Variants in DSCAML1 observed in about 807,000 individuals in gnomAD.
The protein encoded by DSCAML1 is cell adhesion molecule DSCAML1.
In DSCAML1, 38 loss-of-function variants were observed where a neutral mutation model predicts 200.5. That is an observed-to-expected ratio of 0.19 (90% CI 0.15 to 0.25). The LOEUF is 0.25. Ranked by LOEUF, DSCAML1 falls within the 10% of genes least tolerant of loss-of-function variation. The probability of loss-of-function intolerance (pLI) is 1.00; values close to 1 mark genes in which losing one functional copy is unlikely to be tolerated. For missense variants in DSCAML1, 2,223 were observed against 2,858.8 expected (o/e 0.78, Z 5.07); for synonymous variants, 1,215 against 1,165.0 (o/e 1.04, Z -0.87).
intron 3 of DSCAML1, among the ~76,000 whole-genome samples, chr11:117,649,716 A>G (rs2052590343): frequency 6.6e-6 from 1 of 152,154 alleles, no homozygotes. Flanking sequence ...AAATTTCCAC[A>G]ATGGCTATTG....
At position 117,593,686 on chromosome 11, in the gene DSCAML1, T is replaced by C. The variant is rs567391159; in HGVS notation, c.512-61164A>G. ...TGGAGCTCCCTCTTTCCTTGAACCA[T>C]AGTATTGAACTCACTATATTTCTTG... On this transcript the variant is annotated intron_variant, in intron 3 of 32. Transcript: ENST00000651296. Among the ~76,000 whole-genome samples the C allele has an allele frequency of 9.7e-4, 146 of 150,996 alleles. 1 individual carries two copies. Among genetic ancestry groups the C allele is most frequent in the African/African-American group, 3.4e-3 (139 of 41,024 alleles).
chr11:117,810,672 C>T (rs887064244), intron 1 of DSCAML1, among the ~76,000 whole-genome samples: 9 of 152,160 alleles, frequency 5.9e-5, no homozygotes, highest in East Asian at 1.9e-4. Context: ...TCTGCAATGC[C>T]GCTTGACCCC....
intron 3 of DSCAML1, among the ~76,000 whole-genome samples, chr11:117,539,575 T>C (rs758198170): frequency 8.6e-5 from 9 of 104,086 alleles, no homozygotes; most frequent in Non-Finnish European, 1.5e-4. Context: ...GCCATTGCAC[T>C]CCAGCCTGGG....
intron 1 of DSCAML1, among the ~76,000 whole-genome samples, chr11:117,782,773 T>G (rs1385321173): frequency 6.6e-6 from 1 of 152,208 alleles, no homozygotes; most frequent in Non-Finnish European, 1.5e-5. Context: ...CAGGCACTGT[T>G]GTTAGGGACT....
At chr11:117,779,413 C>A (rs1289567351) in intron 2 of DSCAML1, among the ~76,000 whole-genome samples, 1 of 152,122 alleles carries the variant, frequency 6.6e-6, no homozygotes, top group African/African-American at 2.4e-5. Flanking sequence ...ACCTGAGAAA[C>A]CCTACCTCCT....
intron 3 of DSCAML1, among the ~76,000 whole-genome samples, chr11:117,589,839 G>A (rs2051223402): frequency 6.6e-6 from 1 of 152,178 alleles, no homozygotes; most frequent in Non-Finnish European, 1.5e-5. Context: ...TAGGCAAGGT[G>A]GACAGGCATA....
rs1201470618 is a variant in DSCAML1 at position 117,428,453 on chromosome 11, C to T, written c.6037G>A (p.Ala2013Thr). The change falls in exon 33 of 33, where the codon GCC becomes ACC. Residue 2013 changes from alanine to threonine, a missense_variant. Ala to Thr is a moderately conservative substitution (Grantham distance 58). Around this residue, in one of 7 missense-constraint regions of DSCAML1, gnomAD observed 280 missense variants for 213.4 expected, o/e 1.31. Coordinates refer to ENST00000651296, the MANE Select transcript of DSCAML1 (RefSeq NM_020693.4). ...CCCATTTTGGTGTGTGGGCCCCCGG[C>T]TCGTGGAGGCTCGGTGCTGGGGGCC... ...PPAPSTEPPRAGGPHTKMGGS... is the reference protein window; with the variant it reads ...PPAPSTEPPRTGGPHTKMGGS... The T allele has an allele frequency of 7.8e-6, 12 of 1,532,930 alleles. No homozygotes were observed. The highest frequency in any genetic ancestry group is 4.4e-5 in the Admixed American group (2 of 45,476). 95.0% of individuals were successfully genotyped at this position (1,532,930 alleles called of 1,614,324 possible).
Position 117,465,188 on chromosome 11 carries a change from AGCATG to A in DSCAML1, c.3025-11_3025-7del. On this transcript the variant is annotated splice_region_variant and splice_polypyrimidine_tract_variant and intron_variant, in intron 16 of 32. Transcript: ENST00000651296. The stretch of plus-strand genomic sequence containing the variant: ...TGCAGCTCCTTCTTGGGTGCCTGTG[AGCATG>A]GGGTGGGGGTGGGCACAAAGAAATG... 1 of 1,582,412 alleles carries A rather than the reference AGCATG, an allele frequency of 6.3e-7. No homozygotes were observed. The highest frequency in any genetic ancestry group is 8.7e-7 in the Non-Finnish European group (1 of 1,151,894).
intron 3 of DSCAML1, among the ~76,000 whole-genome samples, chr11:117,590,500 T>C (rs2051238503): frequency 6.6e-6 from 1 of 152,182 alleles, no homozygotes; most frequent in South Asian, 2.1e-4. Context: ...GTTATTTTTG[T>C]CATTACTGAC....
At chr11:117,696,183 G>C (rs1186152058) in intron 3 of DSCAML1, among the ~76,000 whole-genome samples, 1 of 152,226 alleles carries the variant, frequency 6.6e-6, no homozygotes, top group Admixed American at 6.5e-5. Context: ...GGAGCAAGAA[G>C]CTTCGCACGG....
chr11:117,762,409 C>T (rs2054819983), intron 3 of DSCAML1, among the ~76,000 whole-genome samples: 2 of 152,108 alleles, frequency 1.3e-5, no homozygotes, highest in Admixed American at 1.3e-4. Flanking sequence ...TAAATTCTGC[C>T]CCTGGTGCCT....
At chr11:117,629,494 G>A (rs1051992742) in intron 3 of DSCAML1, among the ~76,000 whole-genome samples, 11 of 147,098 alleles carry the variant, frequency 7.5e-5, no homozygotes, top group Non-Finnish European at 1.5e-5. Context: ...ACCCCAAGAA[G>A]CAGCAGACAA....
intron 14 of DSCAML1, among the ~76,000 whole-genome samples, chr11:117,478,310 C>T (rs1353206926): frequency 1.3e-5 from 2 of 152,114 alleles, no homozygotes; most frequent in Non-Finnish European, 2.9e-5. Context: ...AGATGTGCGC[C>T]GGCAGGGAGG....
At chr11:117,526,184 T>G (rs2137327697) in intron 4 of DSCAML1, among the ~76,000 whole-genome samples, 1 of 152,236 alleles carries the variant, frequency 6.6e-6, no homozygotes, top group Admixed American at 6.5e-5. Context: ...GGGGACCTCC[T>G]CCTGTTTTAA....
intron 3 of DSCAML1, among the ~76,000 whole-genome samples, chr11:117,573,112 C>A (rs533024646): frequency 1.3e-5 from 2 of 152,214 alleles, no homozygotes. Flanking sequence ...ACTGCTTCTA[C>A]GTGGCACCAG....
At chr11:117,672,943 A>G (rs1402692722) in intron 3 of DSCAML1, among the ~76,000 whole-genome samples, 5 of 152,196 alleles carry the variant, frequency 3.3e-5, no homozygotes, top group Admixed American at 3.3e-4. Flanking sequence ...ACATTTCTGC[A>G]CTTGTTCCCA....
intron 8 of DSCAML1, among the ~76,000 whole-genome samples, chr11:117,508,413 G>T (rs1249747476): frequency 6.6e-6 from 1 of 152,070 alleles, no homozygotes; most frequent in Non-Finnish European, 1.5e-5. Context: ...GTAGGTGCCC[G>T]ATGAGTGCTT....
At chr11:117,788,442 T>C (rs767123003) in intron 1 of DSCAML1, among the ~76,000 whole-genome samples, 2 of 152,200 alleles carry the variant, frequency 1.3e-5, no homozygotes, top group Non-Finnish European at 2.9e-5. Context: ...TTCTCCTGCC[T>C]CAGTCTCCTG....
intron 3 of DSCAML1, among the ~76,000 whole-genome samples, chr11:117,563,764 G>T (rs1239800970): frequency 6.6e-6 from 1 of 152,136 alleles, no homozygotes; most frequent in Non-Finnish European, 1.5e-5. Flanking sequence ...TTCTCTATGG[G>T]ACGAGCCGTG....
Sources: gnomAD v4.1 joint callset for allele counts (sites outside exome capture counted in the v4.1 genomes callset) on GRCh38, gnomAD v4.1.1 for gene constraint, gnomAD v4.1.1 regional missense constraint, MANE v1.5 for transcripts, NCBI Gene and HGNC (gene_info 2026-07-23, HGNC 2026-07-21) for gene names.